NTRK3: variants seen among roughly 807,000 people sequenced by gnomAD.
NTRK3 encodes NT-3 growth factor receptor.
Under a neutral mutation model 91.7 loss-of-function variants are expected in NTRK3, and 24 were observed. The observed-to-expected ratio is 0.26, with a 90% CI of 0.19 to 0.37. NTRK3 has a LOEUF of 0.37. NTRK3 is among the 10% of genes least tolerant of loss of function. The pLI, the probability that NTRK3 is intolerant of heterozygous loss-of-function variation, is 1.00. For synonymous variants in NTRK3, 483 were observed against 404.0 expected (o/e 1.20, Z -2.34); for missense variants, 880 against 1,068.9 (o/e 0.82, Z 2.46).
intron 5 of NTRK3, among the ~76,000 whole-genome samples, chr15:88,150,927 C>G (rs1415041045): frequency 2.6e-5 from 4 of 152,086 alleles, no homozygotes; most frequent in African/African-American, 4.8e-5. Flanking sequence ...CCTGATTTTT[C>G]CTTCTAGCTG....
chr15:87,866,486 T>TATA (rs910631563), exon 19 of NTRK3: 5 of 167,610 alleles, frequency 3.0e-5, no homozygotes, highest in African/African-American at 1.2e-4. Flanking sequence ...ATATATCCCA[T>TATA]ATAATAATAA....
At chr15:88,180,968 T>C (rs2046402978) in intron 5 of NTRK3, among the ~76,000 whole-genome samples, 1 of 152,226 alleles carries the variant, frequency 6.6e-6, no homozygotes, top group Non-Finnish European at 1.5e-5. Flanking sequence ...TGCCTCATCC[T>C]ATTGACTCGT....
chr15:88,096,548 C>T (rs1268975370), intron 13 of NTRK3, among the ~76,000 whole-genome samples: 3 of 152,190 alleles, frequency 2.0e-5, no homozygotes. Flanking sequence ...ACCTCAAGAG[C>T]CTGCATCCTT....
intron 3 of NTRK3, among the ~76,000 whole-genome samples, chr15:88,221,334 C>A (rs2050217817): frequency 6.6e-6 from 1 of 152,180 alleles, no homozygotes; most frequent in Non-Finnish European, 1.5e-5. Context: ...CTTAATATTT[C>A]ACCTTAGGTA....
chr15:88,208,474 C>T (rs2048973764), intron 3 of NTRK3, among the ~76,000 whole-genome samples: 1 of 152,170 alleles, frequency 6.6e-6, no homozygotes, highest in East Asian at 1.9e-4. Flanking sequence ...ATGCAAACCA[C>T]CTGGGCATGT....
intron 15 of NTRK3, among the ~76,000 whole-genome samples, chr15:87,934,344 GT>G: frequency 6.6e-6 from 1 of 152,166 alleles, no homozygotes; most frequent in East Asian, 1.9e-4. Flanking sequence ...GGAAGTGAGT[GT>G]AATATTGGCT....
Position 88,134,981 on chromosome 15 carries a change from T to C in NTRK3, c.1204+120A>G, listed in dbSNP as rs1307901813. On this transcript the variant is annotated intron_variant, in intron 10 of 18. Transcript: ENST00000394480. ...GGTTGCACATGTTCCAGTGTGTGTTTTGTTGCCCATGATAACAGTATGAGT... is the reference window on the plus strand; with the variant it reads ...GGTTGCACATGTTCCAGTGTGTGTTCTGTTGCCCATGATAACAGTATGAGT... The C allele has an allele frequency of 3.3e-6, 4 of 1,204,638 alleles. No homozygotes were observed. In the African/African-American group the frequency reaches 6.0e-5, roughly 18 times the overall value. 74.6% of individuals were successfully genotyped at this position (1,204,638 alleles called of 1,614,324 possible).
intron 3 of NTRK3, among the ~76,000 whole-genome samples, chr15:88,204,408 A>G (rs2048567813): frequency 6.6e-6 from 1 of 152,208 alleles, no homozygotes; most frequent in Non-Finnish European, 1.5e-5. Flanking sequence ...AAAAATCACA[A>G]TTAACGATAA....
intron 5 of NTRK3, among the ~76,000 whole-genome samples, chr15:88,175,922 G>T (rs1158409456): frequency 6.6e-6 from 1 of 152,070 alleles, no homozygotes; most frequent in Non-Finnish European, 1.5e-5. Context: ...GATGAGGGTG[G>T]GTTAGAGGCA....
intron 13 of NTRK3, among the ~76,000 whole-genome samples, chr15:88,062,527 C>T (rs2046309767): frequency 6.6e-6 from 1 of 152,146 alleles, no homozygotes. Context: ...ACATGAAATG[C>T]TGATGCAATG....
At chr15:88,061,913 T>C (rs371380762) in intron 13 of NTRK3, among the ~76,000 whole-genome samples, 66 of 152,296 alleles carry the variant, frequency 4.3e-4, no homozygotes, top group African/African-American at 1.5e-3. Context: ...ACGGGGGTAA[T>C]AATAGGACAA....
chr15:87,907,813 G>A (rs1261964444), intron 17 of NTRK3, among the ~76,000 whole-genome samples: 1 of 152,156 alleles, frequency 6.6e-6, no homozygotes, highest in East Asian at 1.9e-4. Context: ...TAAGACAGAT[G>A]GAACTTCGAC....
intron 13 of NTRK3, among the ~76,000 whole-genome samples, chr15:88,090,621 C>T (rs993283529): frequency 1.3e-5 from 2 of 152,174 alleles, no homozygotes; most frequent in African/African-American, 2.4e-5. Flanking sequence ...CAGCCACTCC[C>T]TGGGGTGTCA....
rs1233757061 is a variant in NTRK3 at position 87,873,455 on chromosome 15, G to A, written c.*3480C>T. On this transcript the variant is annotated 3_prime_UTR_variant, in exon 19 of 19. Transcript: ENST00000394480. Reference sequence around the variant, plus strand: ...CTCCAAGGTGGACACCCAACAGCAGGTCACTCTCACTCAGTCCAGGAGAGG... The same window carrying A: ...CTCCAAGGTGGACACCCAACAGCAGATCACTCTCACTCAGTCCAGGAGAGG... 1.3e-5 allele frequency: 3 copies of A among 231,268 alleles called. No individual in the cohort carries two copies. In the East Asian group the frequency reaches 1.8e-4, roughly 14 times the overall value. The allele number at this position is 231,268 out of a possible 1,614,324, so 14.3% of individuals were successfully genotyped here.
chr15:87,976,986 C>A (rs1204492252), intron 14 of NTRK3, among the ~76,000 whole-genome samples: 1 of 151,830 alleles, frequency 6.6e-6, no homozygotes, highest in Non-Finnish European at 1.5e-5. Flanking sequence ...CTTGGCTGCT[C>A]AGACAACAGA....
At chr15:87,873,276 G>A (rs1567055558) in exon 19 of NTRK3, 1 of 231,164 alleles carries the variant, frequency 4.3e-6, no homozygotes, top group Middle Eastern at 1.3e-3. Flanking sequence ...CTGCTGAATG[G>A]AGGAAGCAGC....
intron 14 of NTRK3, among the ~76,000 whole-genome samples, chr15:87,966,198 A>G (rs1034798385): frequency 6.6e-6 from 1 of 152,228 alleles, no homozygotes; most frequent in Non-Finnish European, 1.5e-5. Context: ...TCACTTATCT[A>G]TACCAGGCCT....
intron 13 of NTRK3, among the ~76,000 whole-genome samples, chr15:88,047,973 A>T (rs910792386): frequency 6.6e-6 from 1 of 152,230 alleles, no homozygotes; most frequent in African/African-American, 2.4e-5. Flanking sequence ...ACCCTAGCCA[A>T]CATGTCTCCA....
chr15:88,031,568 T>C (rs943973064), intron 14 of NTRK3, among the ~76,000 whole-genome samples: 1 of 152,128 alleles, frequency 6.6e-6, no homozygotes, highest in African/African-American at 2.4e-5. Context: ...AGAACCCAGA[T>C]GTCCTTTTTC....
Sources: allele counts gnomAD v4.1 joint callset (sites outside exome capture counted in the v4.1 genomes callset), GRCh38; gene constraint gnomAD v4.1.1; transcripts MANE v1.5; gene names NCBI Gene and HGNC (gene_info 2026-07-23, HGNC 2026-07-21).